The following CUX1 variants were observed in gnomAD, a reference collection of about 807,000 sequenced individuals.
The protein encoded by CUX1 is cut like homeobox 1, also known as protein CASP.
Under a neutral mutation model 158.8 loss-of-function variants are expected in CUX1, and 31 were observed. The ratio of observed to expected loss-of-function variants is 0.20; its 90% CI spans 0.15 to 0.26. CUX1 has a LOEUF of 0.26. Ranked by LOEUF, CUX1 falls within the 10% of genes least tolerant of loss-of-function variation. CUX1 has a pLI of 1.00. For missense variants in CUX1, 1,589 were observed against 2,014.6 expected, an observed-to-expected ratio of 0.79 and a Z score of 4.04; for synonymous variants, 879 against 862.1, an observed-to-expected ratio of 1.02 and a Z score of -0.34.
At chr7:101,989,534 G>T (rs991414871) in intron 2 of CUX1, among the ~76,000 whole-genome samples, 1 of 152,208 alleles carries the variant, frequency 6.6e-6, no homozygotes, top group East Asian at 1.9e-4. Flanking sequence ...TTGCTTCACT[G>T]TGCTCTGGTG....
At chr7:101,958,982 A>G (rs557693207) in intron 2 of CUX1, among the ~76,000 whole-genome samples, 1 of 150,256 alleles carries the variant, frequency 6.7e-6, no homozygotes, top group East Asian at 2.0e-4. Context: ...AGCCCTCCTA[A>G]GTAGCTAGGA....
chr7:102,206,739 A>G (rs1178006489), intron 20 of CUX1, among the ~76,000 whole-genome samples: 3 of 152,158 alleles, frequency 2.0e-5, no homozygotes, highest in Admixed American at 6.5e-5. Flanking sequence ...TCTACTAAAG[A>G]TACAAAAAAA....
At chr7:102,143,109 CT>C (rs373687736) in intron 8 of CUX1, among the ~76,000 whole-genome samples, 3 of 152,154 alleles carry the variant, frequency 2.0e-5, no homozygotes, top group African/African-American at 7.2e-5. Context: ...GGATGGCAGG[CT>C]GCCGGCCCAC....
In CUX1 at chr7:102,227,506, A is replaced by G; in HGVS notation, c.3270A>G (p.Pro1090=). 1 of 1,614,136 alleles carries G rather than the reference A, an allele frequency of 6.2e-7. No individual in the cohort carries two copies. The highest frequency in any genetic ancestry group is 1.7e-5 in the Admixed American group (1 of 60,006). ...AGGCGAGCAAGGACAGCAAGCCACC[A>G]GAGCCCAGTGACCCGCCAGCATCCG... ...PIEASKDSKP[P]EPSDPPASDS... is the part of the protein sequence containing the mutation. The change falls in exon 21 of 24, where the codon CCA becomes CCG. Residue 1090 remains proline (P), a synonymous_variant. Transcript: ENST00000292535.
chr7:102,032,387 C>A (rs190349546), intron 3 of CUX1, among the ~76,000 whole-genome samples: 16 of 151,944 alleles, frequency 1.1e-4, no homozygotes, highest in African/African-American at 3.6e-4. Flanking sequence ...TATAGTGAGA[C>A]CCCGTCTCAG....
At chr7:102,267,856 T>C (rs1426646013) in intron 14 of CUX1, among the ~76,000 whole-genome samples, 1 of 152,152 alleles carries the variant, frequency 6.6e-6, no homozygotes, top group African/African-American at 2.4e-5. Flanking sequence ...TCTGTAGAGA[T>C]GACGTTTTGC....
At chr7:101,819,327 C>T (rs1366467750) in intron 1 of CUX1, among the ~76,000 whole-genome samples, 2 of 152,216 alleles carry the variant, frequency 1.3e-5, no homozygotes, top group African/African-American at 4.8e-5. Context: ...GCTCATGGCA[C>T]TCTGTATGTT....
Position 102,248,560 on chromosome 7 carries a change from G to A in CUX1, c.4036G>A (p.Gly1346Ser), listed in dbSNP as rs1554537881. 4.0e-6 allele frequency: 6 copies of A among 1,495,282 alleles called. No homozygotes were observed. The East Asian group carries it at 1.6e-4, about 41-fold the overall frequency. The allele number at this position is 1,495,282 out of a possible 1,614,324, so 92.6% of individuals were successfully genotyped here. A position where few individuals can be genotyped will look rare whatever the true frequency, so the allele number is the denominator to read the frequency against. ...DSCDGVEATE[G>S]PGSADTEEPK... ...CTGCGACGGCGTGGAGGCCACTGAG[G>A]GCCCAGGCAGCGCCGACACCGAGGA... The change falls in exon 24 of 24, where the codon GGC becomes AGC. Residue 1346 changes from glycine (G) to serine (S), a missense_variant. By Grantham distance (56) the Gly-to-Ser change is moderately conservative (BLOSUM62 0). Around this residue, in one of 8 missense-constraint regions of CUX1, gnomAD observed 344 missense variants for 323.7 expected, o/e 1.06. Coordinates refer to ENST00000292535, the MANE Select transcript of CUX1 (RefSeq NM_181552.4). The surrounding 1 kb of genome is among the most constrained non-coding windows in gnomAD (Gnocchi z 5.8).
rs1563376987 is a variant in CUX1 at position 102,189,795 on chromosome 7, A to G, written c.1018-18A>G. 6.2e-7 allele frequency: 1 copy of G among 1,614,128 alleles called. No individual in the cohort carries two copies. The highest frequency in any genetic ancestry group is 8.5e-7 in the Non-Finnish European group (1 of 1,179,958). ...GTTGTCAGGCATGGCCACTGATCAA[A>G]TTCTTCTCTGTTTTCAGCAACTGGA... is the stretch of plus-strand genomic sequence containing the variant. On this transcript the variant is annotated intron_variant, in intron 11 of 23. Transcript: ENST00000292535.
chr7:102,053,067 C>T (rs1823714567), intron 3 of CUX1, among the ~76,000 whole-genome samples: 1 of 152,184 alleles, frequency 6.6e-6, no homozygotes, highest in South Asian at 2.1e-4. Context: ...GCCTCGGCCT[C>T]CTAAAGTGCT....
chr7:101,949,235 C>T (rs189619292), intron 2 of CUX1, among the ~76,000 whole-genome samples: 174 of 150,810 alleles, frequency 1.2e-3, no homozygotes, highest in African/African-American at 4.1e-3. Context: ...GGGTTCACGC[C>T]ATTCTCCTGC....
chr7:102,019,077 G>A (rs1167061280), intron 2 of CUX1, among the ~76,000 whole-genome samples: 1 of 152,092 alleles, frequency 6.6e-6, no homozygotes, highest in African/African-American at 2.4e-5. Flanking sequence ...CCAGATCACG[G>A]CCTCTGTGCA....
In CUX1 at chr7:101,851,703, C is replaced by T. The variant is rs142066217; in HGVS notation, c.30+34034C>T. Among the ~76,000 whole-genome samples the T allele has an allele frequency of 4.0e-3, 613 of 152,302 alleles. 1 individual carries two copies. The highest frequency in any genetic ancestry group is 9.9e-3 in the African/African-American group (411 of 41,558). ...TTCTTCTTCTCAGATTTCATGAACA[C>T]GCACCTTGGCGTGGTTCTTATGGCC... is the stretch of plus-strand genomic sequence containing the variant. On this transcript the variant is annotated intron_variant, in intron 1 of 23. Transcript: ENST00000292535.
At chr7:101,877,302 A>G (rs928348807) in intron 1 of CUX1, among the ~76,000 whole-genome samples, 1 of 152,238 alleles carries the variant, frequency 6.6e-6, no homozygotes, top group African/African-American at 2.4e-5. Context: ...GTTTCATTAT[A>G]TACACAGAAA....
intron 1 of CUX1, among the ~76,000 whole-genome samples, chr7:101,826,550 G>A (rs1204026787): frequency 6.6e-6 from 1 of 152,160 alleles, no homozygotes; most frequent in Non-Finnish European, 1.5e-5. Flanking sequence ...TGTGTGCCCG[G>A]CAGTAGTGAT....
chr7:101,973,851 C>T (rs1812316956), intron 2 of CUX1, among the ~76,000 whole-genome samples: 1 of 151,398 alleles, frequency 6.6e-6, no homozygotes, highest in Non-Finnish European at 1.5e-5. Context: ...TCACGGCAAC[C>T]TCCACCTCCC....
Position 101,917,312 on chromosome 7 carries a change from A to C in CUX1, c.141+1087A>C, listed in dbSNP as rs1052942086. The stretch of plus-strand genomic sequence containing the variant: ...CAAGGGACTGCTGGCATGAATCATT[A>C]TGGAAAACAAATTAATAACCTTCTG... On this transcript the variant is annotated intron_variant, in intron 2 of 23. Coordinates refer to ENST00000292535, the MANE Select transcript of CUX1 (RefSeq NM_181552.4). Among the ~76,000 whole-genome samples the C allele has an allele frequency of 2.6e-5, 4 of 152,266 alleles. No homozygotes were observed. The South Asian group carries it at 8.3e-4, about 31-fold the overall frequency.
intron 2 of CUX1, among the ~76,000 whole-genome samples, chr7:101,937,279 AAATGAATC>A (rs779341288): frequency 3.9e-5 from 6 of 152,178 alleles, no homozygotes; most frequent in Non-Finnish European, 8.8e-5. Flanking sequence ...CAGGTGGTGG[AAATGAATC>A]TTAGCATCAA....
chr7:102,011,963 C>T (rs1818085171), intron 2 of CUX1, among the ~76,000 whole-genome samples: 1 of 151,914 alleles, frequency 6.6e-6, no homozygotes, highest in Admixed American at 6.6e-5. Flanking sequence ...CGCCCATCAC[C>T]ACACCTGGCT....
Sources: gnomAD v4.1 joint callset for allele counts (sites outside exome capture counted in the v4.1 genomes callset) on GRCh38, gnomAD v4.1.1 for gene constraint, gnomAD v4.1.1 regional missense constraint, Gnocchi (gnomAD v3.1) non-coding constraint, MANE v1.5 for transcripts, NCBI Gene and HGNC (gene_info 2026-07-23, HGNC 2026-07-21) for gene names.